The following CDH4 variants were observed in gnomAD, a reference collection of about 807,000 sequenced individuals.
CDH4 encodes cadherin-4.
CDH4 carries 33 observed loss-of-function variants against 86.0 expected under a neutral mutation model. The ratio of observed to expected loss-of-function variants is 0.38; its 90% CI spans 0.29 to 0.51. CDH4 has a LOEUF of 0.51. CDH4 is among the 20% of genes least tolerant of loss of function. The pLI is 0.86. For synonymous variants in CDH4, 555 were observed against 549.4 expected (o/e 1.01, Z -0.14); for missense variants, 1,114 against 1,307.4 (o/e 0.85, Z 2.28).
intron 2 of CDH4, among the ~76,000 whole-genome samples, chr20:61,275,638 G>A (rs1421527472): frequency 8.1e-6 from 1 of 123,468 alleles, no homozygotes; most frequent in Non-Finnish European, 1.7e-5. Flanking sequence ...AGTACCATGC[G>A]CAGTTTGGGA....
chr20:61,331,678 T>C (rs2084579543), intron 2 of CDH4, among the ~76,000 whole-genome samples: 2 of 54,260 alleles, frequency 3.7e-5, no homozygotes, highest in Admixed American at 2.7e-4. Flanking sequence ...GCTCACCTCC[T>C]GCCCCGGCCA....
At chr20:61,892,556 A>G (rs1984870715) in intron 7 of CDH4, among the ~76,000 whole-genome samples, 1 of 152,160 alleles carries the variant, frequency 6.6e-6, no homozygotes, top group South Asian at 2.1e-4. Context: ...GGAAAGGGAC[A>G]TCTAGGGGCT....
intron 4 of CDH4, among the ~76,000 whole-genome samples, chr20:61,837,551 G>A (rs1342827472): frequency 6.6e-6 from 1 of 152,046 alleles, no homozygotes; most frequent in Non-Finnish European, 1.5e-5. Flanking sequence ...TTTTTCAATG[G>A]TCCCTTAAGG....
intron 4 of CDH4, among the ~76,000 whole-genome samples, chr20:61,805,758 GC>G (rs1378004021): frequency 2.6e-5 from 4 of 152,194 alleles, no homozygotes; most frequent in Non-Finnish European, 5.9e-5. Flanking sequence ...TCAGGGAGGG[GC>G]CCTCTCACAC....
chr20:61,499,521 G>A (rs1006980732), intron 2 of CDH4: 3 of 1,288,618 alleles, frequency 2.3e-6, no homozygotes, highest in African/African-American at 1.5e-5. Flanking sequence ...GGGGGGCTTA[G>A]GGTTGTTTGT....
intron 2 of CDH4, among the ~76,000 whole-genome samples, chr20:61,271,170 TG>T (rs1353916022): frequency 6.6e-6 from 1 of 152,170 alleles, no homozygotes; most frequent in African/African-American, 2.4e-5. Context: ...AGGGATGGAC[TG>T]GGGGGCTGGG....
intron 3 of CDH4, among the ~76,000 whole-genome samples, chr20:61,751,421 G>C (rs1009905959): frequency 6.6e-6 from 1 of 152,138 alleles, no homozygotes; most frequent in African/African-American, 2.4e-5. Flanking sequence ...TAGACACTTG[G>C]AACAAAAATA....
In CDH4 at chr20:61,392,022, G is replaced by A. The variant is rs112786671; in HGVS notation, c.169+137085G>A. Among the ~76,000 whole-genome samples, 290 of 152,208 alleles carry A rather than the reference G, an allele frequency of 1.9e-3. No individual in the cohort carries two copies. The highest frequency in any genetic ancestry group is 6.8e-3 in the African/African-American group (282 of 41,528). On this transcript the variant is annotated intron_variant, in intron 2 of 15. Coordinates refer to ENST00000614565, the MANE Select transcript of CDH4 (RefSeq NM_001794.5). The surrounding 1 kb of genome is among the most constrained non-coding windows in gnomAD (Gnocchi z 5.7). Reference sequence around the variant, plus strand: ...TGGAGATATTATGGGATAGGGGAGAGCTGGCTACTTCTCAACCCTTCCCCC... The same window carrying A: ...TGGAGATATTATGGGATAGGGGAGAACTGGCTACTTCTCAACCCTTCCCCC...
At chr20:61,830,738 A>T (rs959988991) in intron 4 of CDH4, among the ~76,000 whole-genome samples, 1 of 152,212 alleles carries the variant, frequency 6.6e-6, no homozygotes, top group Admixed American at 6.5e-5. Flanking sequence ...GAGCGGCAGG[A>T]GCGGGCGGCG....
intron 2 of CDH4, among the ~76,000 whole-genome samples, chr20:61,605,886 G>GAA (rs529210946): frequency 1.1e-4 from 14 of 125,992 alleles, no homozygotes; most frequent in East Asian, 2.3e-4. Flanking sequence ...GGCTGTGGAG[G>GAA]AAAAAAAAAA....
rs2085829257 is a variant in CDH4 at position 61,517,347 on chromosome 20, A to C, written c.170-226216A>C. 6.6e-6 allele frequency among the ~76,000 whole-genome samples: 1 copy of C among 151,976 alleles called. No individual in the cohort carries two copies. Among genetic ancestry groups the C allele is most frequent in the Non-Finnish European group, 1.5e-5 (1 of 67,958 alleles). On this transcript the variant is annotated intron_variant, in intron 2 of 15. Coordinates refer to ENST00000614565, the MANE Select transcript of CDH4 (RefSeq NM_001794.5). This position sits in a 1 kb window ranked among gnomAD's most constrained non-coding sequence, Gnocchi z 6.6. ...GTAGCTGGGGCCACAGGTGCACACC[A>C]CCTTGTGCAGCTAATTTTTTTACTT...
chr20:61,725,886 A>G lies in CDH4; in HGVS notation c.170-17677A>G, dbSNP rs146008227. On this transcript the variant is annotated intron_variant, in intron 2 of 15. Coordinates refer to ENST00000614565, the MANE Select transcript of CDH4 (RefSeq NM_001794.5). ...TTAGCTCAGTCCTGATGTGCAAGGCACTAATGAGGGAGGCTTGCGGCTCTA... is the reference window on the plus strand; with the variant it reads ...TTAGCTCAGTCCTGATGTGCAAGGCGCTAATGAGGGAGGCTTGCGGCTCTA... 5.2e-3 allele frequency among the ~76,000 whole-genome samples: 798 copies of G among 152,300 alleles called. 12 individuals are homozygous for G. The highest frequency in any genetic ancestry group is 0.037 in the South Asian group (176 of 4,814).
chr20:61,523,084 C>T (rs553346051), intron 2 of CDH4, among the ~76,000 whole-genome samples: 4 of 152,358 alleles, frequency 2.6e-5, no homozygotes, highest in African/African-American at 9.6e-5. Context: ...TGACAGGCGG[C>T]ATGCATCCTG....
chr20:61,596,408 G>A (rs1342684632), intron 2 of CDH4, among the ~76,000 whole-genome samples: 1 of 152,210 alleles, frequency 6.6e-6, no homozygotes, highest in African/African-American at 2.4e-5. Flanking sequence ...CTCATCGTGT[G>A]CAGAAAGGAA....
chr20:61,309,767 C>T (rs561734927), intron 2 of CDH4, among the ~76,000 whole-genome samples: 1 of 131,926 alleles, frequency 7.6e-6, no homozygotes, highest in Non-Finnish European at 1.6e-5. Context: ...GCTTCATGAA[C>T]ATATAGCAAG....
intron 2 of CDH4, among the ~76,000 whole-genome samples, chr20:61,571,433 C>G (rs560830052): frequency 6.6e-6 from 1 of 152,142 alleles, no homozygotes; most frequent in East Asian, 1.9e-4. Context: ...GGTTTCCAGG[C>G]GCCATGGCAG....
intron 2 of CDH4, among the ~76,000 whole-genome samples, chr20:61,403,430 T>C (rs886614338): frequency 9.9e-5 from 15 of 152,180 alleles, no homozygotes; most frequent in Non-Finnish European, 1.9e-4. Flanking sequence ...GTTGTTGCTT[T>C]GCTTCTCTTG....
intron 12 of CDH4, among the ~76,000 whole-genome samples, chr20:61,928,735 G>A (rs2055073536): frequency 6.6e-6 from 1 of 152,228 alleles, no homozygotes; most frequent in African/African-American, 2.4e-5. Flanking sequence ...GACCCTGACT[G>A]ATATGTTTCC....
chr20:61,390,737 CA>C (rs2084980518), intron 2 of CDH4, among the ~76,000 whole-genome samples: 2 of 151,030 alleles, frequency 1.3e-5, no homozygotes, highest in African/African-American at 4.9e-5. Context: ...TGAGATCGTG[CA>C]GTCATAGGGT....
Sources: gnomAD v4.1 joint callset for allele counts (sites outside exome capture counted in the v4.1 genomes callset) on GRCh38, gnomAD v4.1.1 for gene constraint, Gnocchi (gnomAD v3.1) non-coding constraint, MANE v1.5 for transcripts, NCBI Gene and HGNC (gene_info 2026-07-23, HGNC 2026-07-21) for gene names.